COG7: variants seen among roughly 807,000 people sequenced by gnomAD.
COG7 encodes the protein conserved oligomeric Golgi complex subunit 7.
A neutral mutation model predicts 91.5 loss-of-function variants in COG7; 49 were observed. The ratio of observed to expected loss-of-function variants is 0.54; its 90% CI spans 0.43 to 0.68. The LOEUF (loss-of-function observed/expected upper bound fraction) is 0.68. Among genes scored for constraint, COG7 ranks in the 30% least tolerant of loss-of-function variants. The pLI, the probability that COG7 is intolerant of heterozygous loss-of-function variation, is 0.00. For synonymous variants in COG7, 365 were observed against 388.7 expected, an observed-to-expected ratio of 0.94 and a Z score of 0.72; for missense variants, 895 against 961.3, an observed-to-expected ratio of 0.93 and a Z score of 0.91.
intron 11 of COG7, among the ~76,000 whole-genome samples, chr16:23,407,434 C>T (rs1963480089): frequency 1.3e-5 from 2 of 152,302 alleles, no homozygotes; most frequent in South Asian, 4.1e-4. Context: ...AATCTGTCCT[C>T]CTAAGGGTTA....
chr16:23,413,352 C>A, intron 10 of COG7, 96 bp downstream of exon 10: 2 of 796,284 alleles, frequency 2.5e-6, no homozygotes, highest in South Asian at 1.3e-5. Flanking sequence ...AAAAAACGAA[C>A]CCCTTCCAAA....
chr16:23,426,344 G>C (rs985060501), intron 6 of COG7, among the ~76,000 whole-genome samples: 12 of 152,124 alleles, frequency 7.9e-5, no homozygotes, highest in African/African-American at 2.9e-4. Context: ...TGTACACCAT[G>C]ATCAAGTAGG....
intron 5 of COG7, 135 bp from the exon 6 acceptor site, chr16:23,433,802 A>C: frequency 2.3e-6 from 2 of 883,368 alleles, no homozygotes; most frequent in Non-Finnish European, 1.8e-6. Context: ...AGGTCCATTC[A>C]CTTCAAAGAA....
At chr16:23,398,493 G>C (rs1338356964) in intron 13 of COG7, among the ~76,000 whole-genome samples, 1 of 152,130 alleles carries the variant, frequency 6.6e-6, no homozygotes, top group Admixed American at 6.5e-5. Flanking sequence ...CGGGGCCACT[G>C]TGTAGAGAGG....
At chr16:23,420,178 T>G (rs1963731394) in intron 7 of COG7, among the ~76,000 whole-genome samples, 2 of 152,140 alleles carry the variant, frequency 1.3e-5, no homozygotes, top group Admixed American at 1.3e-4. Flanking sequence ...ATTCCAAAAA[T>G]TCCTACGTTC....
intron 11 of COG7, among the ~76,000 whole-genome samples, chr16:23,409,099 G>GTGTGCGCGCGTGCA (rs780681721): frequency 7.2e-6 from 1 of 139,414 alleles, no homozygotes; most frequent in Non-Finnish European, 1.7e-5. Flanking sequence ...GCGTGCATGT[G>GTGTGCGCGCGTGCA]TGTGTGTGTG....
intron 3 of COG7, among the ~76,000 whole-genome samples, chr16:23,443,869 C>T (rs568174146): frequency 5.9e-5 from 9 of 151,766 alleles, no homozygotes; most frequent in Admixed American, 2.6e-4. Flanking sequence ...AATTAGCCCC[C>T]GGCCGGGCAT....
intron 11 of COG7, 151 bp from the exon 12 acceptor site, chr16:23,406,413 C>G (rs1963463164): frequency 1.3e-6 from 1 of 741,876 alleles, no homozygotes; most frequent in Non-Finnish European, 2.4e-6. Flanking sequence ...AAAGGCTGCC[C>G]TTCATCATTG....
At chr16:23,391,587 A>T (rs2142057690) in intron 16 of COG7, among the ~76,000 whole-genome samples, 1 of 152,374 alleles carries the variant, frequency 6.6e-6, no homozygotes. Flanking sequence ...AGCCTGGCTC[A>T]GCCCTGTGGT....
rs991686717 is a variant in COG7, at chr16:23,449,368, A to G, written c.170-3407T>C. Among the ~76,000 whole-genome samples the G allele has an allele frequency of 8.5e-5, 12 of 141,360 alleles. 1 individual carries two copies. In the Admixed American group the frequency reaches 8.6e-4, roughly 10 times the overall value. The allele number at this position is 141,360 out of a possible 152,430, so 92.7% of individuals were successfully genotyped here. On this transcript the variant is annotated intron_variant, in intron 1 of 16. Coordinates refer to ENST00000307149, the MANE Select transcript of COG7 (RefSeq NM_153603.4). ...ACAGAGCGAGACTCCATCTCAAAAAAATAAAATTAAATTAAAATAAAATAA... is the reference window on the plus strand; with the variant it reads ...ACAGAGCGAGACTCCATCTCAAAAAGATAAAATTAAATTAAAATAAAATAA...
intron 6 of COG7, among the ~76,000 whole-genome samples, chr16:23,430,329 G>A (rs1310817634): frequency 6.6e-6 from 1 of 151,906 alleles, no homozygotes; most frequent in Non-Finnish European, 1.5e-5. Context: ...TCAGGAGGCT[G>A]AGAGGGGAGG....
chr16:23,427,347 C>T (rs532184085), intron 6 of COG7, among the ~76,000 whole-genome samples: 2 of 151,838 alleles, frequency 1.3e-5, no homozygotes, highest in South Asian at 4.2e-4. Context: ...TGGTGGTGGG[C>T]ACCTGTAATC....
At chr16:23,437,988 G>A (rs190952089) in intron 4 of COG7, among the ~76,000 whole-genome samples, 8 of 151,710 alleles carry the variant, frequency 5.3e-5, no homozygotes, top group Non-Finnish European at 8.8e-5. Flanking sequence ...GGGAAGCTGA[G>A]GCAGGAGAAT....
At chr16:23,403,862 TG>T in intron 12 of COG7, 28 bp from the exon 13 acceptor site, 1 of 1,614,086 alleles carries the variant, frequency 6.2e-7, no homozygotes, top group Non-Finnish European at 8.5e-7. Context: ...AAAAGGCAGT[TG>T]TTAGGCCTGA....
Position 23,393,379 on chromosome 16 carries a change from A to G in COG7, c.1888-32T>C, listed in dbSNP as rs200930229. The G allele has an allele frequency of 5.1e-5, 77 of 1,505,416 alleles. No individual in the cohort carries two copies. In the African/African-American group the frequency reaches 8.2e-4, roughly 16 times the overall value. The allele number at this position is 1,505,416 out of a possible 1,614,324, so 93.3% of individuals were successfully genotyped here. On this transcript the variant is annotated intron_variant, in intron 14 of 16. Coordinates refer to ENST00000307149, the MANE Select transcript of COG7 (RefSeq NM_153603.4). Reference sequence around the variant, plus strand: ...CAAAAGAAAGCGCTGTTAGCCTGACATTGACACATACGGGTTATTACTTTA... The same window carrying G: ...CAAAAGAAAGCGCTGTTAGCCTGACGTTGACACATACGGGTTATTACTTTA...
At chr16:23,438,083 CAA>C (rs34667957) in intron 4 of COG7, among the ~76,000 whole-genome samples, 48 of 88,822 alleles carry the variant, frequency 5.4e-4, no homozygotes, top group South Asian at 1.0e-3. Context: ...GACTCCATCT[CAA>C]AAAAAAAAAA....
chr16:23,392,119 A>C, intron 16 of COG7: 1 of 1,368,458 alleles, frequency 7.3e-7, no homozygotes, highest in Non-Finnish European at 9.5e-7. Context: ...GACTCGCTGA[A>C]TCTTATCTCA....
chr16:23,423,503 CT>C (rs1343638615), intron 7 of COG7, among the ~76,000 whole-genome samples: 2 of 152,192 alleles, frequency 1.3e-5, no homozygotes, highest in Non-Finnish European at 2.9e-5. Flanking sequence ...CTTAGCCCAG[CT>C]CTCTCAACTC....
At chr16:23,395,408 A>G (rs1047660404) in intron 14 of COG7, among the ~76,000 whole-genome samples, 4 of 152,238 alleles carry the variant, frequency 2.6e-5, no homozygotes, top group African/African-American at 9.6e-5. Context: ...TATATTTGGT[A>G]TACCTTTCAT....
Sources: gnomAD v4.1 joint callset for allele counts (sites outside exome capture counted in the v4.1 genomes callset) on GRCh38, gnomAD v4.1.1 for gene constraint, MANE v1.5 for transcripts, NCBI Gene and HGNC (gene_info 2026-07-23, HGNC 2026-07-21) for gene names.